Variants in UNC5D observed in about 807,000 individuals in gnomAD.
UNC5D encodes the protein netrin receptor UNC5D.
UNC5D carries 39 observed loss-of-function variants against 105.4 expected under a neutral mutation model. The observed-to-expected ratio is 0.37, with a 90% CI of 0.29 to 0.48. The LOEUF is 0.48. Ranked by LOEUF, UNC5D falls within the 20% of genes least tolerant of loss-of-function variation. The pLI is 0.98. For missense variants in UNC5D, 991 were observed against 1,202.4 expected (o/e 0.82, Z 2.60); for synonymous variants, 452 against 450.4 (o/e 1.00, Z -0.04).
rs1289401809 is a variant in UNC5D at position 35,795,184 on chromosome 8, C to T, written c.*4621C>T. 1 of 152,074 alleles carries T rather than the reference C, an allele frequency of 6.6e-6. No homozygotes were observed. The highest frequency in any genetic ancestry group is 2.4e-5 in the African/African-American group (1 of 41,394). The allele number at this position is 152,074 out of a possible 1,614,324, so 9.4% of individuals were successfully genotyped here. Reference sequence around the variant, plus strand: ...AATATTGAGTTCAGCAGGGCCCCATCTTACTTATTTTTCAAAAAAGTTATA... The same window carrying T: ...AATATTGAGTTCAGCAGGGCCCCATTTTACTTATTTTTCAAAAAAGTTATA... On this transcript the variant is annotated 3_prime_UTR_variant, in exon 17 of 17. Transcript: ENST00000404895.
chr8:35,772,637 C>T (rs1802059502), intron 15 of UNC5D, among the ~76,000 whole-genome samples: 1 of 152,176 alleles, frequency 6.6e-6, no homozygotes. Context: ...AGTCCCTTAA[C>T]TCAATCCCAG....
chr8:35,646,878 C>T (rs891833894), intron 4 of UNC5D, among the ~76,000 whole-genome samples: 3 of 152,044 alleles, frequency 2.0e-5, no homozygotes, highest in Non-Finnish European at 2.9e-5. Flanking sequence ...AATGGGATGT[C>T]GCTGTTGATA....
chr8:35,616,022 A>G (rs1285307575), intron 4 of UNC5D, among the ~76,000 whole-genome samples: 1 of 152,240 alleles, frequency 6.6e-6, no homozygotes, highest in East Asian at 1.9e-4. Context: ...AGACTCATTT[A>G]ATATATACAT....
At chr8:35,299,526 G>A (rs1410954890) in intron 1 of UNC5D, among the ~76,000 whole-genome samples, 1 of 152,064 alleles carries the variant, frequency 6.6e-6, no homozygotes, top group Admixed American at 6.6e-5. Context: ...TTGTGTTAGA[G>A]TAAAAATAAA....
At chr8:35,258,701 T>G (rs757207732) in intron 1 of UNC5D, among the ~76,000 whole-genome samples, 3 of 152,200 alleles carry the variant, frequency 2.0e-5, no homozygotes, top group East Asian at 3.9e-4. Context: ...GAAACTGAGA[T>G]CTAGAAATAA....
At chr8:35,540,899 G>A (rs767308016) in intron 1 of UNC5D, among the ~76,000 whole-genome samples, 1 of 152,096 alleles carries the variant, frequency 6.6e-6, no homozygotes, top group African/African-American at 2.4e-5. Context: ...GGACCAGCAT[G>A]GGTTCTCTTG....
chr8:35,455,809 C>T (rs1278961394), intron 1 of UNC5D, among the ~76,000 whole-genome samples: 3 of 151,952 alleles, frequency 2.0e-5, no homozygotes, highest in African/African-American at 7.3e-5. Context: ...AAGTGAAAGG[C>T]GACCATCAGA....
At chr8:35,395,870 G>T (rs1020700021) in intron 1 of UNC5D, among the ~76,000 whole-genome samples, 14 of 152,102 alleles carry the variant, frequency 9.2e-5, no homozygotes, top group African/African-American at 3.4e-4. Context: ...ATTCAAACTC[G>T]ATTCTTCAGC....
chr8:35,241,495 G>T (rs1802803389), intron 1 of UNC5D, among the ~76,000 whole-genome samples: 1 of 152,124 alleles, frequency 6.6e-6, no homozygotes, highest in Admixed American at 6.5e-5. Context: ...TGTTTATGGG[G>T]CTAAAGTAGA....
At chr8:35,668,138 T>C (rs1244087195) in intron 4 of UNC5D, among the ~76,000 whole-genome samples, 1 of 152,150 alleles carries the variant, frequency 6.6e-6, no homozygotes, top group Non-Finnish European at 1.5e-5. Context: ...AAGTAATATC[T>C]CATTTTCATA....
At chr8:35,291,019 C>G (rs1807026856) in intron 1 of UNC5D, among the ~76,000 whole-genome samples, 1 of 150,882 alleles carries the variant, frequency 6.6e-6, no homozygotes. Context: ...CAGAAATCAG[C>G]TACTTTTGGC....
At chr8:35,758,539 G>A (rs904126874) in intron 13 of UNC5D, among the ~76,000 whole-genome samples, 1 of 152,102 alleles carries the variant, frequency 6.6e-6, no homozygotes, top group Non-Finnish European at 1.5e-5. Context: ...CCCTGAATAT[G>A]TATTTGTTTT....
At chr8:35,386,501 G>A (rs1043862071) in intron 1 of UNC5D, among the ~76,000 whole-genome samples, 5 of 152,094 alleles carry the variant, frequency 3.3e-5, no homozygotes, top group African/African-American at 1.2e-4. Context: ...GCTGTGAAAG[G>A]GAAATCGACT....
intron 6 of UNC5D, among the ~76,000 whole-genome samples, chr8:35,685,552 G>T (rs1324691737): frequency 6.6e-6 from 1 of 152,084 alleles, no homozygotes; most frequent in Non-Finnish European, 1.5e-5. Flanking sequence ...TTAAGGTGGG[G>T]CTCTTCCTAG....
At chr8:35,304,933 C>A (rs1279673422) in intron 1 of UNC5D, among the ~76,000 whole-genome samples, 1 of 151,856 alleles carries the variant, frequency 6.6e-6, no homozygotes, top group East Asian at 1.9e-4. Context: ...CAGCTATGAA[C>A]AAAAGGAAGT....
intron 1 of UNC5D, among the ~76,000 whole-genome samples, chr8:35,452,027 T>C (rs941467018): frequency 6.6e-6 from 1 of 152,190 alleles, no homozygotes; most frequent in Non-Finnish European, 1.5e-5. Context: ...TTGTATGTGT[T>C]ACTTCTTCCT....
intron 1 of UNC5D, among the ~76,000 whole-genome samples, chr8:35,289,761 A>G (rs1023622548): frequency 1.3e-5 from 2 of 152,206 alleles, no homozygotes; most frequent in Non-Finnish European, 2.9e-5. Context: ...AAAAGAAGAC[A>G]TATAAATGGC....
intron 3 of UNC5D, among the ~76,000 whole-genome samples, chr8:35,582,421 C>T (rs1248173722): frequency 6.7e-6 from 1 of 150,062 alleles, no homozygotes; most frequent in Non-Finnish European, 1.5e-5. Flanking sequence ...AGGTGAAAAA[C>T]TTTGAGCGAA....
intron 1 of UNC5D, among the ~76,000 whole-genome samples, chr8:35,338,950 T>C (rs548888988): frequency 1.5e-4 from 23 of 152,312 alleles, no homozygotes; most frequent in African/African-American, 4.3e-4. Flanking sequence ...CTGTTTTCAC[T>C]CATTTAGGGC....
Sources: gnomAD v4.1 joint callset for allele counts (sites outside exome capture counted in the v4.1 genomes callset) on GRCh38, gnomAD v4.1.1 for gene constraint, MANE v1.5 for transcripts, NCBI Gene and HGNC (gene_info 2026-07-23, HGNC 2026-07-21) for gene names.